The following SH3GLB1 variants were observed in gnomAD, a reference collection of about 807,000 sequenced individuals.
SH3GLB1 encodes endophilin-B1.
In SH3GLB1, 17 loss-of-function variants were observed where a neutral mutation model predicts 42.0. The ratio of observed to expected loss-of-function variants is 0.40; its 90% CI spans 0.28 to 0.61. SH3GLB1 has a LOEUF of 0.61. Ranked by LOEUF, SH3GLB1 falls within the 20% of genes least tolerant of loss-of-function variation. SH3GLB1 has a pLI of 0.36. For missense variants in SH3GLB1, 355 were observed against 426.3 expected (o/e 0.83, Z 1.47); for synonymous variants, 132 against 146.6 (o/e 0.90, Z 0.72).
chr1:86,730,178 T>C, intron 5 of SH3GLB1: 1 of 1,542,268 alleles, frequency 6.5e-7, no homozygotes, highest in South Asian at 1.2e-5. Context: ...AGTAAATATG[T>C]ATTGGGCAAC....
Position 86,704,970 on chromosome 1 carries a change from A to T in SH3GLB1, c.71A>T (p.Gln24Leu). 6.4e-7 allele frequency: 1 copy of T among 1,574,438 alleles called. No homozygotes were observed. The highest frequency in any genetic ancestry group is 8.6e-7 in the Non-Finnish European group (1 of 1,162,566). Residue 24 changes from glutamine (Q) to leucine (L), a missense_variant and splice_region_variant, in exon 1 of 9, where the codon CAG becomes CTG. Coordinates refer to ENST00000370558, the MANE Select transcript of SH3GLB1 (RefSeq NM_016009.5). ...DAGTFLSRAV[Q>L]FTEEKLGQAE... ...GGCACCTTCCTCAGTCGCGCCGTGCAGGTACCCTGGTGCTGGGGGGAAAAG... is the reference window on the plus strand; with the variant it reads ...GGCACCTTCCTCAGTCGCGCCGTGCTGGTACCCTGGTGCTGGGGGGAAAAG...
At position 86,724,874 on chromosome 1, in the gene SH3GLB1, TAAA is replaced by T. The variant is rs1165438979; in HGVS notation, c.570+486_570+488del. Reference sequence around the variant, plus strand: ...GGGCAACAGAGCCAGACCCTGTCTTTAAAAAAAAAAAAAAAAAAATATATATAT... The same window carrying T: ...GGGCAACAGAGCCAGACCCTGTCTTTAAAAAAAAAAAAAAAATATATATAT... On this transcript the variant is annotated intron_variant, in intron 5 of 8. Coordinates refer to ENST00000370558, the MANE Select transcript of SH3GLB1 (RefSeq NM_016009.5). 1.0e-2 allele frequency among the ~76,000 whole-genome samples: 978 copies of T among 97,842 alleles called. 36 individuals carry two copies. The highest frequency in any genetic ancestry group is 0.046 in the African/African-American group (921 of 20,202). 64.2% of individuals were successfully genotyped at this position (97,842 alleles called of 152,430 possible). A position where few individuals can be genotyped will look rare whatever the true frequency, so the allele number is the denominator to read the frequency against.
At chr1:86,733,278 G>A (rs1655605543) in intron 5 of SH3GLB1, among the ~76,000 whole-genome samples, 1 of 152,154 alleles carries the variant, frequency 6.6e-6, no homozygotes, top group Non-Finnish European at 1.5e-5. Context: ...CCCTCTGCTA[G>A]GTTTGTTGCC....
chr1:86,729,353 T>C (rs942474985), intron 5 of SH3GLB1, among the ~76,000 whole-genome samples: 6 of 151,952 alleles, frequency 3.9e-5, no homozygotes, highest in African/African-American at 1.2e-4. Context: ...GTACAGAATA[T>C]ATAAAATGCA....
chr1:86,719,767 G>A, intron 3 of SH3GLB1, 132 bp downstream of exon 3: 1 of 746,682 alleles, frequency 1.3e-6, no homozygotes, highest in Non-Finnish European at 2.0e-6. Context: ...TGGTTGAGGT[G>A]GGCGGATCAT....
At chr1:86,725,036 G>A (rs1471589158) in intron 5 of SH3GLB1, among the ~76,000 whole-genome samples, 2 of 148,648 alleles carry the variant, frequency 1.3e-5, no homozygotes, top group African/African-American at 2.5e-5. Context: ...TATAGCTGCT[G>A]CTAAAAAACA....
chr1:86,733,605 TTTTA>T (rs143933553), intron 5 of SH3GLB1, among the ~76,000 whole-genome samples: 1,549 of 152,216 alleles, frequency 0.01, 17 homozygotes, highest in South Asian at 0.028. Context: ...AGCTGTGAGG[TTTTA>T]TTTCTCTTTC....
intron 5 of SH3GLB1, among the ~76,000 whole-genome samples, chr1:86,733,766 C>T (rs1291807042): frequency 1.3e-5 from 2 of 152,162 alleles, no homozygotes; most frequent in Non-Finnish European, 2.9e-5. Flanking sequence ...CCAGTAGTGG[C>T]ATACTGTTAT....
chr1:86,743,352 C>A lies in SH3GLB1; in HGVS notation c.*117C>A. Reference sequence around the variant, plus strand: ...TGTGTTAAGAGACTGAAAATACCAGCCATCAGAAACTGGCCTTTCTGCCAA... The same window carrying A: ...TGTGTTAAGAGACTGAAAATACCAGACATCAGAAACTGGCCTTTCTGCCAA... On this transcript the variant is annotated 3_prime_UTR_variant, in exon 9 of 9. Coordinates refer to ENST00000370558, the MANE Select transcript of SH3GLB1 (RefSeq NM_016009.5). 1 of 534,350 alleles carries A rather than the reference C, an allele frequency of 1.9e-6. No homozygotes were observed. Among genetic ancestry groups the A allele is most frequent in the Non-Finnish European group, 3.1e-6 (1 of 326,996 alleles). The allele number at this position is 534,350 out of a possible 1,614,324, so 33.1% of individuals were successfully genotyped here.
chr1:86,708,870 A>G (rs1458433724), intron 1 of SH3GLB1, among the ~76,000 whole-genome samples: 1 of 152,120 alleles, frequency 6.6e-6, no homozygotes, highest in Non-Finnish European at 1.5e-5. Flanking sequence ...AATTTCCAAA[A>G]TATCTTCTAC....
intron 1 of SH3GLB1, among the ~76,000 whole-genome samples, chr1:86,715,113 A>C (rs571393089): frequency 1.4e-5 from 2 of 146,658 alleles, no homozygotes; most frequent in African/African-American, 5.1e-5. Flanking sequence ...CTGGGAAACT[A>C]TTTATCTAAC....
intron 5 of SH3GLB1, among the ~76,000 whole-genome samples, chr1:86,732,813 G>A (rs1655582387): frequency 1.3e-5 from 2 of 151,992 alleles, no homozygotes; most frequent in South Asian, 4.2e-4. Context: ...CTGCTACCTA[G>A]TTTACTTGCT....
At chr1:86,734,532 A>G (rs1013164759) in intron 5 of SH3GLB1, 70 bp from the exon 6 acceptor site, 2 of 1,100,312 alleles carry the variant, frequency 1.8e-6, no homozygotes, top group Non-Finnish European at 2.7e-6. Flanking sequence ...TTTTTTAACC[A>G]TCTAAAATAA....
At chr1:86,710,710 A>C (rs2101914812) in intron 1 of SH3GLB1, among the ~76,000 whole-genome samples, 1 of 152,362 alleles carries the variant, frequency 6.6e-6, no homozygotes, top group East Asian at 1.9e-4. Flanking sequence ...TATTCTTTGG[A>C]GACCAGCTTA....
At chr1:86,715,995 T>C in intron 2 of SH3GLB1, 130 bp downstream of exon 2, 1 of 882,846 alleles carries the variant, frequency 1.1e-6, no homozygotes, top group Non-Finnish European at 1.7e-6. Flanking sequence ...GTGGGTTTTT[T>C]TGTGTGTGCT....
intron 7 of SH3GLB1, among the ~76,000 whole-genome samples, chr1:86,738,051 A>G (rs779545448): frequency 2.6e-5 from 4 of 152,190 alleles, no homozygotes; most frequent in Non-Finnish European, 4.4e-5. Flanking sequence ...ACATAATTTT[A>G]GGCTTTAACA....
chr1:86,725,001 C>T (rs1227144954), intron 5 of SH3GLB1, among the ~76,000 whole-genome samples: 3 of 134,588 alleles, frequency 2.2e-5, no homozygotes, highest in South Asian at 2.3e-4. Flanking sequence ...TGTGTATATA[C>T]ACACACACAC....
intron 7 of SH3GLB1, among the ~76,000 whole-genome samples, chr1:86,737,698 T>G (rs1655843653): frequency 6.6e-6 from 1 of 152,172 alleles, no homozygotes; most frequent in African/African-American, 2.4e-5. Context: ...CTACATTCTA[T>G]ATGGGGGCAG....
chr1:86,715,898 AC>A, intron 2 of SH3GLB1, 33 bp downstream of exon 2: 1 of 1,577,080 alleles, frequency 6.3e-7, no homozygotes, highest in Non-Finnish European at 8.5e-7. Context: ...TACCTTAAGT[AC>A]TATTAGTGGG....
Sources: gnomAD v4.1 joint callset for allele counts (sites outside exome capture counted in the v4.1 genomes callset) on GRCh38, gnomAD v4.1.1 for gene constraint, MANE v1.5 for transcripts, NCBI Gene and HGNC (gene_info 2026-07-23, HGNC 2026-07-21) for gene names.